The following RPTOR variants were observed in gnomAD, a reference collection of about 807,000 sequenced individuals.
RPTOR encodes the protein regulatory associated protein of MTOR complex 1.
In RPTOR, 21 loss-of-function variants were observed where a neutral mutation model predicts 169.9. The observed-to-expected ratio is 0.12, with a 90% CI of 0.09 to 0.18. The LOEUF (loss-of-function observed/expected upper bound fraction) is 0.18, where lower values mean the gene tolerates loss of function less well. Among genes scored for constraint, RPTOR ranks in the 10% least tolerant of loss-of-function variants. The pLI is 1.00. For synonymous variants in RPTOR, 732 were observed against 753.2 expected, an observed-to-expected ratio of 0.97 and a Z score of 0.46; for missense variants, 1,133 against 1,855.9, an observed-to-expected ratio of 0.61 and a Z score of 7.16.
chr17:80,605,607 G>A (rs552061780), intron 1 of RPTOR, among the ~76,000 whole-genome samples: 1 of 152,276 alleles, frequency 6.6e-6, no homozygotes, highest in East Asian at 1.9e-4. Flanking sequence ...ACAGAGTTGG[G>A]TACCAGTGAG....
intron 9 of RPTOR, among the ~76,000 whole-genome samples, chr17:80,830,766 T>C (rs955799075): frequency 2.0e-5 from 3 of 151,452 alleles, no homozygotes; most frequent in Non-Finnish European, 2.9e-5. Context: ...TTTTTTTTTT[T>C]CGGAGGCGGG....
chr17:80,560,009 A>G (rs553320252), intron 1 of RPTOR, among the ~76,000 whole-genome samples: 64 of 152,218 alleles, frequency 4.2e-4, no homozygotes, highest in Non-Finnish European at 8.1e-4. Flanking sequence ...ATGGCACTGC[A>G]CGTAGGGTGC....
chr17:80,773,913 C>T (rs1001800023), intron 6 of RPTOR: 7 of 985,250 alleles, frequency 7.1e-6, no homozygotes, highest in East Asian at 2.3e-4. Context: ...AGACAGCTCC[C>T]GGTGGACACG....
chr17:80,884,085 G>T, intron 16 of RPTOR, 113 bp downstream of exon 16: 1 of 1,012,372 alleles, frequency 9.9e-7, no homozygotes, highest in Non-Finnish European at 1.4e-6. Context: ...AACTTCAGGG[G>T]CTGCACGCTA....
chr17:80,892,470 G>A (rs554550523), intron 18 of RPTOR, among the ~76,000 whole-genome samples: 9 of 152,376 alleles, frequency 5.9e-5, no homozygotes, highest in South Asian at 2.1e-4. Flanking sequence ...CGGACAGGCC[G>A]CAGCCACCAG....
At chr17:80,933,105 T>G (rs2068917670) in intron 24 of RPTOR, among the ~76,000 whole-genome samples, 1 of 152,194 alleles carries the variant, frequency 6.6e-6, no homozygotes. Flanking sequence ...CCACTTGTCT[T>G]CAACACTGAA....
chr17:80,958,662 C>T (rs2069291840), intron 29 of RPTOR, among the ~76,000 whole-genome samples: 1 of 152,174 alleles, frequency 6.6e-6, no homozygotes, highest in Admixed American at 6.5e-5. Context: ...ATCCGCCCAC[C>T]TCAGCCTCCC....
chr17:80,709,514 C>G (rs140384939), intron 4 of RPTOR, among the ~76,000 whole-genome samples: 7 of 152,374 alleles, frequency 4.6e-5, no homozygotes, highest in African/African-American at 1.7e-4. Flanking sequence ...GTCGGAGGCT[C>G]TGCAGATTCA....
In RPTOR at chr17:80,711,744, C is replaced by CTTTTT. The variant is rs1226456124; in HGVS notation, c.507+3757_507+3761dup. ...AGTTAACATATAGTTATACATCAGT[C>CTTTTT]TTTTTTTTTTTTTTTTGAGGTTAAG... On this transcript the variant is annotated intron_variant, in intron 4 of 33. Coordinates refer to ENST00000306801, the MANE Select transcript of RPTOR (RefSeq NM_020761.3). Among the ~76,000 whole-genome samples, 59 of 88,832 alleles carry CTTTTT rather than the reference C, an allele frequency of 6.6e-4. 8 individuals carry two copies. Among genetic ancestry groups the CTTTTT allele is most frequent in the African/African-American group, 1.4e-3 (22 of 15,652 alleles). The allele number at this position is 88,832 out of a possible 152,430, so 58.3% of individuals were successfully genotyped here. A position where few individuals can be genotyped will look rare whatever the true frequency, so the allele number is the denominator to read the frequency against.
In RPTOR at chr17:80,707,554, A is replaced by AT. The variant is rs202218038; in HGVS notation, c.349-273dup. Among the ~76,000 whole-genome samples the AT allele has an allele frequency of 1.2e-3, 171 of 144,016 alleles. No individual in the cohort carries two copies. Among genetic ancestry groups the AT allele is most frequent in the African/African-American group, 1.5e-3 (58 of 39,368 alleles). The allele number at this position is 144,016 out of a possible 152,430, so 94.5% of individuals were successfully genotyped here. On this transcript the variant is annotated intron_variant, in intron 3 of 33. Transcript: ENST00000306801. This position sits in a 1 kb window ranked among gnomAD's most constrained non-coding sequence, Gnocchi z 5.0. The stretch of plus-strand genomic sequence containing the variant: ...AGGTGTGTGCCACCACACCTGGCTA[A>AT]TTTTTTTTTTTTTTAATTGTAGAGA...
rs1309799082 is a variant in RPTOR at position 80,960,152 on chromosome 17, C to G, written c.3552C>G (p.Gly1184=). ...CCCACCGCTCACTCATCGTGGCTGGCCTCGGTGACGGCTCCATCCGCGTCT... is the reference window on the plus strand; with the variant it reads ...CCCACCGCTCACTCATCGTGGCTGGGCTCGGTGACGGCTCCATCCGCGTCT... ...CDSHRSLIVA[G]LGDGSIRVYD... is the part of the protein sequence containing the mutation. Residue 1184 remains glycine (G), a synonymous_variant, in exon 30 of 34, where the codon GGC becomes GGG. Transcript: ENST00000306801. This position sits in a 1 kb window ranked among gnomAD's most constrained non-coding sequence, Gnocchi z 4.8. 1.2e-6 allele frequency: 2 copies of G among 1,613,520 alleles called. No homozygotes were observed. Among genetic ancestry groups the G allele is most frequent in the Non-Finnish European group, 1.7e-6 (2 of 1,180,022 alleles).
rs1008211794 is a variant in RPTOR, at chr17:80,820,180, C to T, written c.891-2021C>T. Among the ~76,000 whole-genome samples the T allele has an allele frequency of 1.3e-5, 2 of 152,340 alleles. No individual in the cohort carries two copies. The highest frequency in any genetic ancestry group is 3.4e-3 in the Middle Eastern group (1 of 294). On this transcript the variant is annotated intron_variant, in intron 7 of 33. Transcript: ENST00000306801. The surrounding 1 kb of genome is among the most constrained non-coding windows in gnomAD (Gnocchi z 4.1). ...CTTCGGCGTGTGGTCTGGGCGCTGT[C>T]TGTCCTCTGCATGGCTTTGGTAAGG...
At chr17:80,769,661 C>T (rs1403938326) in intron 6 of RPTOR, among the ~76,000 whole-genome samples, 1 of 152,150 alleles carries the variant, frequency 6.6e-6, no homozygotes, top group East Asian at 1.9e-4. Flanking sequence ...GAGGCGGCAT[C>T]ACTGCTGTTG....
intron 3 of RPTOR, among the ~76,000 whole-genome samples, chr17:80,678,770 G>A (rs1266769955): frequency 6.6e-6 from 1 of 152,180 alleles, no homozygotes; most frequent in African/African-American, 2.4e-5. Flanking sequence ...CCCTGGGATT[G>A]CAGTATCGTG....
chr17:80,703,676 T>C (rs1382869762), intron 3 of RPTOR, among the ~76,000 whole-genome samples: 1 of 152,194 alleles, frequency 6.6e-6, no homozygotes, highest in African/African-American at 2.4e-5. Context: ...GGAAAATGCA[T>C]AGACCCTCCT....
At position 80,764,117 on chromosome 17, in the gene RPTOR, GTTATTTTATTTTATTTTATTTTATT is replaced by G. The variant is rs71164002; in HGVS notation, c.830+9968_830+9992del. ...AAGTCCTGACCGTATGACTTCTTTT[GTTATTTTATTTTATTTTATTTTATT>G]TTATTTTATTTTATTTTATTTTATT... On this transcript the variant is annotated intron_variant, in intron 6 of 33. Coordinates refer to ENST00000306801, the MANE Select transcript of RPTOR (RefSeq NM_020761.3). Among the ~76,000 whole-genome samples the G allele has an allele frequency of 6.9e-4, 96 of 138,568 alleles. 1 individual carries two copies. The highest frequency in any genetic ancestry group is 1.1e-3 in the Admixed American group (16 of 13,926). The allele number at this position is 138,568 out of a possible 152,430, so 90.9% of individuals were successfully genotyped here. A position where few individuals can be genotyped will look rare whatever the true frequency, so the allele number is the denominator to read the frequency against.
chr17:80,863,454 G>T (rs893251097), intron 13 of RPTOR, among the ~76,000 whole-genome samples: 1 of 152,124 alleles, frequency 6.6e-6, no homozygotes, highest in Non-Finnish European at 1.5e-5. Context: ...TCATTAGCAG[G>T]CCAGGACATT....
At chr17:80,555,660 C>T (rs868667033) in intron 1 of RPTOR, among the ~76,000 whole-genome samples, 51 of 152,160 alleles carry the variant, frequency 3.4e-4, no homozygotes, top group Non-Finnish European at 2.9e-5. Flanking sequence ...GACATTATTA[C>T]GGGGAGCATC....
At chr17:80,781,679 G>A (rs763831371) in intron 6 of RPTOR, among the ~76,000 whole-genome samples, 14 of 152,142 alleles carry the variant, frequency 9.2e-5, no homozygotes, top group East Asian at 3.8e-4. Flanking sequence ...GGCTTGGATC[G>A]CCCATTTGAC....
Sources: allele counts gnomAD v4.1 joint callset (sites outside exome capture counted in the v4.1 genomes callset), GRCh38; gene constraint gnomAD v4.1.1; non-coding constraint Gnocchi (gnomAD v3.1); transcripts MANE v1.5; gene names NCBI Gene and HGNC (gene_info 2026-07-23, HGNC 2026-07-21).